Variants in TMCO1 observed in about 807,000 individuals in gnomAD.
TMCO1 encodes the protein calcium load-activated calcium channel.
A neutral mutation model predicts 29.3 loss-of-function variants in TMCO1; 29 were observed. The observed-to-expected ratio is 0.99, with a 90% CI of 0.74 to 1.35. The LOEUF (loss-of-function observed/expected upper bound fraction) is 1.35, where lower values mean the gene tolerates loss of function less well. TMCO1 is among the 40% of genes most tolerant of loss of function. The pLI is 0.00. For missense variants in TMCO1, 173 were observed against 225.5 expected (o/e 0.77, Z 1.49); for synonymous variants, 80 against 77.1 (o/e 1.04, Z -0.20).
downstream of TMCO1, chr1:165,726,621 T>A: frequency 2.2e-6 from 1 of 455,758 alleles, no homozygotes; most frequent in Non-Finnish European, 4.4e-6. Flanking sequence ...TGTAGGGCTG[T>A]CTTGGGATAA....
At chr1:165,747,256 A>G (rs1651832698) in intron 5 of TMCO1, among the ~76,000 whole-genome samples, 1 of 110,424 alleles carries the variant, frequency 9.1e-6, no homozygotes, top group South Asian at 3.3e-4. Context: ...GAACAGTGTG[A>G]GGCTCTGTCT....
At chr1:165,755,332 A>G (rs1237990069) in intron 3 of TMCO1, among the ~76,000 whole-genome samples, 1 of 152,160 alleles carries the variant, frequency 6.6e-6, no homozygotes, top group African/African-American at 2.4e-5. Flanking sequence ...GTATAAATTC[A>G]GGGCCCCAAA....
Position 165,728,033 on chromosome 1 carries a change from T to C in TMCO1, c.557A>G (p.Lys186Arg), listed in dbSNP as rs768112478. 5 of 1,606,442 alleles carry C rather than the reference T, an allele frequency of 3.1e-6. No homozygotes were observed. The highest frequency in any genetic ancestry group is 4.3e-6 in the Non-Finnish European group (5 of 1,174,940). ...GFLGPPPPSG[K>R]FS ...AAAGAGTTCTTGAGTTCAAGAGAAC[T>C]TCCCAGAAGGAGGTGGTGGGCCAAG... is the stretch of plus-strand genomic sequence containing the variant. Residue 186 changes from lysine to arginine, a missense_variant, in exon 7 of 7, where the codon AAG becomes AGG. Lys to Arg is a conservative substitution (Grantham distance 26). Transcript: ENST00000367881.
intron 5 of TMCO1, 73 bp from the exon 6 acceptor site, chr1:165,743,384 C>G: frequency 1.3e-6 from 2 of 1,502,768 alleles, no homozygotes; most frequent in Non-Finnish European, 1.8e-6. Flanking sequence ...AAAGAAGAAT[C>G]TGGGACAGAA....
downstream of TMCO1, chr1:165,726,524 A>T (rs897779662): frequency 5.9e-5 from 29 of 487,398 alleles, no homozygotes; most frequent in Non-Finnish European, 1.1e-4. Context: ...ACTGCCACTC[A>T]ATAGCTCTGT....
At chr1:165,735,538 A>G (rs1014012294) in intron 6 of TMCO1, among the ~76,000 whole-genome samples, 2 of 142,682 alleles carry the variant, frequency 1.4e-5, no homozygotes, top group African/African-American at 5.4e-5. Context: ...TTTTGGAGAC[A>G]GAATCTTGCC....
chr1:165,762,418 G>A (rs990685938), intron 2 of TMCO1, among the ~76,000 whole-genome samples: 3 of 152,028 alleles, frequency 2.0e-5, no homozygotes, highest in African/African-American at 7.2e-5. Flanking sequence ...AACCATGACT[G>A]CATAGAAAAC....
chr1:165,737,334 GA>G lies in TMCO1; in HGVS notation c.468+5832del, dbSNP rs914614309. ...CAGAAATTATCCCATCTGAAGAACA[GA>G]AAAAAAAAAAGATTTAAAAAAATTC... On this transcript the variant is annotated intron_variant, in intron 6 of 6. Transcript: ENST00000367881. 2.0e-3 allele frequency among the ~76,000 whole-genome samples: 278 copies of G among 140,508 alleles called. 1 individual carries two copies. The highest frequency in any genetic ancestry group is 4.8e-3 in the African/African-American group (185 of 38,440). 92.2% of individuals were successfully genotyped at this position (140,508 alleles called of 152,430 possible).
intron 6 of TMCO1, among the ~76,000 whole-genome samples, chr1:165,733,367 C>T (rs939361693): frequency 1.3e-5 from 2 of 152,080 alleles, no homozygotes; most frequent in African/African-American, 4.8e-5. Flanking sequence ...GGAGTGGTGG[C>T]TCACACCTGT....
chr1:165,725,353 C>A (rs1305934039), downstream of TMCO1: 1 of 453,840 alleles, frequency 2.2e-6, no homozygotes, highest in Non-Finnish European at 4.4e-6. Context: ...GAATGACTTA[C>A]CTGGGAAGAG....
chr1:165,744,101 G>A (rs1353414531), intron 5 of TMCO1, among the ~76,000 whole-genome samples: 2 of 151,920 alleles, frequency 1.3e-5, no homozygotes, highest in Non-Finnish European at 2.9e-5. Flanking sequence ...CTCATGATCC[G>A]CCTGCCTCAG....
At chr1:165,753,648 CA>C (rs202155061) in intron 4 of TMCO1, among the ~76,000 whole-genome samples, 2 of 150,388 alleles carry the variant, frequency 1.3e-5, no homozygotes, top group South Asian at 2.1e-4. Context: ...CTCATCTCTA[CA>C]AAAAAAAATT....
chr1:165,729,096 T>G lies in TMCO1; in HGVS notation c.469-975A>C, dbSNP rs1188271634. ...TTCCAGCCTGGGCAACAGAGTGAGATTCTGTCTAAAAAAAAAAAAAAAAAA... is the reference window on the plus strand; with the variant it reads ...TTCCAGCCTGGGCAACAGAGTGAGAGTCTGTCTAAAAAAAAAAAAAAAAAA... On this transcript the variant is annotated intron_variant, in intron 6 of 6. Coordinates refer to ENST00000367881, the MANE Select transcript of TMCO1 (RefSeq NM_019026.6). Among the ~76,000 whole-genome samples, 9 of 112,930 alleles carry G rather than the reference T, an allele frequency of 8.0e-5. No homozygotes were observed. In the South Asian group the frequency reaches 9.5e-4, roughly 12 times the overall value. 74.1% of individuals were successfully genotyped at this position (112,930 alleles called of 152,430 possible).
At chr1:165,760,757 C>T (rs1652372394) in intron 2 of TMCO1, among the ~76,000 whole-genome samples, 2 of 151,850 alleles carry the variant, frequency 1.3e-5, no homozygotes, top group Admixed American at 1.3e-4. Context: ...GCCAAGATCT[C>T]GCCACTGAAC....
chr1:165,728,181 T>C (rs890247383), intron 6 of TMCO1, 60 bp from the exon 7 acceptor site: 1 of 1,368,228 alleles, frequency 7.3e-7, no homozygotes, highest in Non-Finnish European at 1.0e-6. Flanking sequence ...AGATGTGTTT[T>C]ATGTAGCTCT....
At chr1:165,759,503 T>C in intron 3 of TMCO1, 22 bp downstream of exon 3, 1 of 1,587,752 alleles carries the variant, frequency 6.3e-7, no homozygotes, top group South Asian at 1.1e-5. Context: ...CAAATTTCAT[T>C]TTGACTAATA....
chr1:165,757,661 T>A (rs564289604), intron 3 of TMCO1, among the ~76,000 whole-genome samples: 1 of 152,182 alleles, frequency 6.6e-6, no homozygotes, highest in African/African-American at 2.4e-5. Context: ...CCACGCCTGG[T>A]TAATTTTTGT....
chr1:165,755,011 A>G (rs1273401252), intron 3 of TMCO1: 1 of 152,184 alleles, frequency 6.6e-6, no homozygotes, highest in African/African-American at 2.4e-5. Context: ...AAACAAAAAC[A>G]AAAACAAAAA....
intron 5 of TMCO1, among the ~76,000 whole-genome samples, chr1:165,750,542 A>C (rs1461685827): frequency 3.7e-5 from 3 of 81,610 alleles, no homozygotes; most frequent in African/African-American, 1.3e-4. Context: ...ACTCCGTCTC[A>C]AAAAAAAAAA....
Sources: gnomAD v4.1 joint callset for allele counts (sites outside exome capture counted in the v4.1 genomes callset) on GRCh38, gnomAD v4.1.1 for gene constraint, MANE v1.5 for transcripts, NCBI Gene and HGNC (gene_info 2026-07-23, HGNC 2026-07-21) for gene names.